TYW1: variants seen among roughly 807,000 people sequenced by gnomAD.
TYW1 encodes S-adenosyl-L-methionine-dependent tRNA 4-demethylwyosine synthase TYW1.
In TYW1, 46 loss-of-function variants were observed where a neutral mutation model predicts 96.2. The ratio of observed to expected loss-of-function variants is 0.48; its 90% CI spans 0.38 to 0.61. The LOEUF is 0.61. Among genes scored for constraint, TYW1 ranks in the 20% least tolerant of loss-of-function variants. The probability of loss-of-function intolerance (pLI) is 0.00; values close to 1 mark genes in which losing one functional copy is unlikely to be tolerated. For synonymous variants in TYW1, 274 were observed against 323.0 expected, an observed-to-expected ratio of 0.85 and a Z score of 1.63; for missense variants, 684 against 909.6, an observed-to-expected ratio of 0.75 and a Z score of 3.19.
chr7:67,115,089 A>G (rs1196982847), intron 12 of TYW1, among the ~76,000 whole-genome samples: 1 of 152,116 alleles, frequency 6.6e-6, no homozygotes, highest in African/African-American at 2.4e-5. Context: ...TAAAAGGAGT[A>G]TGGCCTTTGG....
intron 7 of TYW1, among the ~76,000 whole-genome samples, chr7:67,033,871 G>A (rs561262324): frequency 3.3e-5 from 5 of 149,706 alleles, no homozygotes; most frequent in East Asian, 2.0e-4. Context: ...ATTTTTATAT[G>A]TTTAGTAGAG....
intron 10 of TYW1, among the ~76,000 whole-genome samples, chr7:67,083,158 G>A (rs1442158282): frequency 1.3e-5 from 2 of 152,200 alleles, no homozygotes; most frequent in Non-Finnish European, 2.9e-5. Flanking sequence ...CATGGTTAAA[G>A]CAGCAGAGAG....
At chr7:67,112,100 CAAAAAAAAAAAAA>C (rs538839042) in intron 12 of TYW1, among the ~76,000 whole-genome samples, 7 of 94,868 alleles carry the variant, frequency 7.4e-5, no homozygotes, top group Admixed American at 1.4e-4. Context: ...CTCTGTCTGA[CAAAAAAAAAAAAA>C]AAAAAAAAAA....
intron 15 of TYW1, among the ~76,000 whole-genome samples, chr7:67,225,737 C>CTCTAACAAAAT (rs113914635): frequency 7.3e-6 from 1 of 136,782 alleles, no homozygotes; most frequent in Admixed American, 7.3e-5. Context: ...TTTAGCTCCA[C>CTCTAACAAAAT]TGGAGATTAA....
chr7:67,016,758 G>T (rs1210184556), intron 5 of TYW1, among the ~76,000 whole-genome samples: 4 of 151,912 alleles, frequency 2.6e-5, no homozygotes, highest in Admixed American at 6.6e-5. Flanking sequence ...CTACTGAGTA[G>T]CTGGGACCAC....
At chr7:67,112,852 A>T (rs1348856587) in intron 12 of TYW1, among the ~76,000 whole-genome samples, 1 of 152,170 alleles carries the variant, frequency 6.6e-6, no homozygotes, top group Non-Finnish European at 1.5e-5. Flanking sequence ...CATCCATCAC[A>T]CTGGAGCCAC....
At chr7:67,098,329 G>A (rs1189524025) in intron 11 of TYW1, among the ~76,000 whole-genome samples, 1 of 152,210 alleles carries the variant, frequency 6.6e-6, no homozygotes, top group Non-Finnish European at 1.5e-5. Context: ...TATTGATGTA[G>A]TTTAACTGGT....
At chr7:67,071,695 A>G (rs538732137) in intron 10 of TYW1, among the ~76,000 whole-genome samples, 88 of 151,798 alleles carry the variant, frequency 5.8e-4, no homozygotes, top group Admixed American at 1.8e-3. Flanking sequence ...ATCTCAGCTC[A>G]CTGCAAGCTC....
chr7:67,167,755 T>C (rs1237455907), intron 13 of TYW1, among the ~76,000 whole-genome samples: 4 of 151,948 alleles, frequency 2.6e-5, no homozygotes, highest in African/African-American at 4.8e-5. Context: ...TTTATTTATT[T>C]ATATTTATTG....
chr7:67,195,384 T>C (rs774411617), intron 15 of TYW1, 47 bp downstream of exon 15: 1 of 1,606,146 alleles, frequency 6.2e-7, no homozygotes, highest in African/African-American at 1.3e-5. Flanking sequence ...GACCCTGCTG[T>C]TCTTTCCTTC....
Position 67,185,543 on chromosome 7 carries a change from T to C in TYW1, c.1809+2307T>C, listed in dbSNP as rs929823667. Among the ~76,000 whole-genome samples, 9 of 152,366 alleles carry C rather than the reference T, an allele frequency of 5.9e-5. 1 individual carries two copies. The East Asian group carries it at 1.4e-3, about 23-fold the overall frequency. The stretch of plus-strand genomic sequence containing the variant: ...GAATCAAGAATAGCACCTGGGTTTT[T>C]GGCTTAAGCCATTGCGTGGATGGTG... On this transcript the variant is annotated intron_variant, in intron 14 of 15. Coordinates refer to ENST00000359626, the MANE Select transcript of TYW1 (RefSeq NM_018264.4).
At chr7:67,234,570 C>T (rs1398010814) in intron 15 of TYW1, among the ~76,000 whole-genome samples, 3 of 152,064 alleles carry the variant, frequency 2.0e-5, no homozygotes, top group African/African-American at 7.2e-5. Context: ...CAGTCCCCCA[C>T]ACTATGGCAT....
chr7:67,084,413 A>G (rs1043039974), intron 11 of TYW1, among the ~76,000 whole-genome samples: 1 of 152,238 alleles, frequency 6.6e-6, no homozygotes, highest in African/African-American at 2.4e-5. Flanking sequence ...CTGGTTCTCA[A>G]ACTTTATCAT....
intron 6 of TYW1, among the ~76,000 whole-genome samples, chr7:67,023,865 C>T (rs1450081493): frequency 6.6e-6 from 1 of 152,166 alleles, no homozygotes; most frequent in Non-Finnish European, 1.5e-5. Flanking sequence ...AAGGCTGCCA[C>T]GTATTAGCTG....
At chr7:67,237,110 G>A (rs553834790) in intron 15 of TYW1, among the ~76,000 whole-genome samples, 1 of 152,248 alleles carries the variant, frequency 6.6e-6, no homozygotes, top group Admixed American at 6.5e-5. Flanking sequence ...AGTCTTGAAC[G>A]CCTGACCTCA....
chr7:67,002,224 T>A (rs546006038), intron 3 of TYW1, among the ~76,000 whole-genome samples: 27 of 151,560 alleles, frequency 1.8e-4, no homozygotes, highest in African/African-American at 4.8e-4. Context: ...ATTAAAAAAA[T>A]TTTTTTTGTA....
intron 13 of TYW1, among the ~76,000 whole-genome samples, chr7:67,152,801 A>T (rs571608841): frequency 6.6e-6 from 1 of 152,062 alleles, no homozygotes; most frequent in East Asian, 1.9e-4. Flanking sequence ...AGGTTTCACC[A>T]TGTTAGCCAG....
intron 3 of TYW1, among the ~76,000 whole-genome samples, chr7:67,006,443 T>C (rs1356123254): frequency 1.4e-5 from 2 of 144,366 alleles, no homozygotes; most frequent in South Asian, 2.2e-4. Flanking sequence ...TTTTCCTTTT[T>C]TTTTTTTTTT....
chr7:67,054,265 G>A (rs1225377892), intron 8 of TYW1, among the ~76,000 whole-genome samples: 1 of 111,912 alleles, frequency 8.9e-6, no homozygotes, highest in Admixed American at 9.3e-5. Context: ...TCTTCATTCT[G>A]TAATGTACAG....
Sources: gnomAD v4.1 joint callset for allele counts (sites outside exome capture counted in the v4.1 genomes callset) on GRCh38, gnomAD v4.1.1 for gene constraint, MANE v1.5 for transcripts, NCBI Gene and HGNC (gene_info 2026-07-23, HGNC 2026-07-21) for gene names.